CDK19: variants seen among roughly 807,000 people sequenced by gnomAD.
The protein encoded by CDK19 is cyclin dependent kinase 19, also known as cyclin-dependent kinase 19.
A neutral mutation model predicts 68.3 loss-of-function variants in CDK19; 20 were observed. The ratio of observed to expected loss-of-function variants is 0.29; its 90% CI spans 0.21 to 0.43. CDK19 has a LOEUF of 0.43. Ranked by LOEUF, CDK19 falls within the 20% of genes least tolerant of loss-of-function variation. The pLI, the probability that CDK19 is intolerant of heterozygous loss-of-function variation, is 1.00. For missense variants in CDK19, 339 were observed against 623.5 expected (o/e 0.54, Z 4.86); for synonymous variants, 221 against 222.8 (o/e 0.99, Z 0.07).
intron 1 of CDK19, among the ~76,000 whole-genome samples, chr6:110,783,832 G>C (rs1780995501): frequency 6.6e-6 from 1 of 151,956 alleles, no homozygotes. Flanking sequence ...GATTCAAAGT[G>C]AATCACAAAA....
chr6:110,717,204 C>T (rs550338145), intron 2 of CDK19, among the ~76,000 whole-genome samples: 2 of 144,058 alleles, frequency 1.4e-5, no homozygotes, highest in African/African-American at 2.5e-5. Context: ...TACAGGAGTG[C>T]TTATATGATA....
At chr6:110,656,229 T>C (rs927581287) in intron 4 of CDK19, among the ~76,000 whole-genome samples, 2 of 152,232 alleles carry the variant, frequency 1.3e-5, no homozygotes, top group Non-Finnish European at 2.9e-5. Flanking sequence ...ATCGTATTCA[T>C]TAACTCTGTA....
chr6:110,786,594 G>A (rs996498673), intron 1 of CDK19, among the ~76,000 whole-genome samples: 6 of 152,006 alleles, frequency 3.9e-5, no homozygotes, highest in African/African-American at 1.4e-4. Flanking sequence ...TTTCCATAGG[G>A]TACCGCGTGT....
intron 2 of CDK19, among the ~76,000 whole-genome samples, chr6:110,731,562 GATTAT>G (rs1776761638): frequency 6.6e-6 from 1 of 152,106 alleles, no homozygotes. Context: ...AAAATGAATG[GATTAT>G]ATAACTTAAA....
rs55714648 is a variant in CDK19, at chr6:110,815,241, T to A, written c.-105A>T. 6 of 1,130,312 alleles carry A rather than the reference T, an allele frequency of 5.3e-6. No individual in the cohort carries two copies. Among genetic ancestry groups the A allele is most frequent in the Non-Finnish European group, 6.7e-6 (6 of 901,400 alleles). The allele number at this position is 1,130,312 out of a possible 1,614,324, so 70.0% of individuals were successfully genotyped here. A position where few individuals can be genotyped will look rare whatever the true frequency, so the allele number is the denominator to read the frequency against. ...GCTCCACTTCTCCAACAGCCGCCTC[T>A]CGCGCGCGCGCGCGCGCCGCCCGCC... On this transcript the variant is annotated 5_prime_UTR_variant, in exon 1 of 13. Transcript: ENST00000368911.
In CDK19 at chr6:110,610,228, G is replaced by A. The variant is rs10624; in HGVS notation, c.*4307C>T. The A allele has an allele frequency of 6.6e-6, 1 of 152,458 alleles. No homozygotes were observed. The highest frequency in any genetic ancestry group is 1.5e-5 in the Non-Finnish European group (1 of 68,020). 9.4% of individuals were successfully genotyped at this position (152,458 alleles called of 1,614,324 possible). On this transcript the variant is annotated 3_prime_UTR_variant, in exon 13 of 13. Coordinates refer to ENST00000368911, the MANE Select transcript of CDK19 (RefSeq NM_015076.5). ...TATAACCATATAAAGGGGGATGCGT[G>A]CAGAAAATGACTGAAAAAAGAGACA...
chr6:110,753,717 T>C (rs1274075467), intron 1 of CDK19, among the ~76,000 whole-genome samples: 1 of 152,056 alleles, frequency 6.6e-6, no homozygotes, highest in Non-Finnish European at 1.5e-5. Context: ...GAATTAATTG[T>C]ATAATTTCTT....
intron 1 of CDK19, among the ~76,000 whole-genome samples, chr6:110,754,088 G>A (rs1259716467): frequency 6.6e-6 from 1 of 150,476 alleles, no homozygotes; most frequent in African/African-American, 2.4e-5. Context: ...GGAGTGCAGT[G>A]GTGTAATCAC....
intron 5 of CDK19, among the ~76,000 whole-genome samples, chr6:110,637,843 G>A (rs746987483): frequency 2.6e-5 from 4 of 152,090 alleles, no homozygotes; most frequent in African/African-American, 4.8e-5. Flanking sequence ...TTAGCCAGGC[G>A]TGGTGGCGGG....
Position 110,744,151 on chromosome 6 carries a change from C to T in CDK19, c.204+1975G>A, listed in dbSNP as rs1446433585. Among the ~76,000 whole-genome samples the T allele has an allele frequency of 2.6e-5, 4 of 151,358 alleles. No individual in the cohort carries two copies. In the South Asian group the frequency reaches 6.3e-4, roughly 24 times the overall value. ...CCTCCCGAGTAACTGGGACTACAGGCGCATGCCACCACACCCAGCTAATTT... is the reference window on the plus strand; with the variant it reads ...CCTCCCGAGTAACTGGGACTACAGGTGCATGCCACCACACCCAGCTAATTT... On this transcript the variant is annotated intron_variant, in intron 2 of 12. Coordinates refer to ENST00000368911, the MANE Select transcript of CDK19 (RefSeq NM_015076.5).
At chr6:110,737,141 T>C (rs1200456400) in intron 2 of CDK19, among the ~76,000 whole-genome samples, 1 of 152,188 alleles carries the variant, frequency 6.6e-6, no homozygotes, top group African/African-American at 2.4e-5. Context: ...AACTAGTCTA[T>C]TCCCTTAGGG....
intron 1 of CDK19, among the ~76,000 whole-genome samples, chr6:110,757,058 T>C (rs1202618497): frequency 6.6e-6 from 1 of 152,162 alleles, no homozygotes; most frequent in Non-Finnish European, 1.5e-5. Context: ...CTCTTTCACA[T>C]GATGGCACTC....
intron 1 of CDK19, among the ~76,000 whole-genome samples, chr6:110,750,072 A>C (rs896962215): frequency 2.1e-5 from 3 of 145,842 alleles, no homozygotes; most frequent in Non-Finnish European, 3.0e-5. Context: ...GCCCAGCCAA[A>C]TGATCACACC....
At chr6:110,650,029 A>G (rs990645836) in intron 4 of CDK19, among the ~76,000 whole-genome samples, 7 of 152,058 alleles carry the variant, frequency 4.6e-5, no homozygotes, top group African/African-American at 1.7e-4. Context: ...AGAGTCACAC[A>G]ATGAATTTTA....
chr6:110,675,979 A>G (rs1294840491), intron 2 of CDK19, among the ~76,000 whole-genome samples: 2 of 152,248 alleles, frequency 1.3e-5, no homozygotes, highest in Non-Finnish European at 2.9e-5. Context: ...TAGCTGCCAT[A>G]GATTGTGATT....
At position 110,617,651 on chromosome 6, in the gene CDK19, TTA is replaced by T. The variant is rs1164239935; in HGVS notation, c.1378-2987_1378-2986del. On this transcript the variant is annotated intron_variant, in intron 12 of 12. Transcript: ENST00000368911. ...AAAATAATAATAATAATAAAATTAT[TTA>T]TATATATATACACACACACACACAC... Among the ~76,000 whole-genome samples, 483 of 98,824 alleles carry T rather than the reference TTA, an allele frequency of 4.9e-3. 4 individuals are homozygous for T. The South Asian group carries it at 0.05, about 10-fold the overall frequency. The allele number at this position is 98,824 out of a possible 152,430, so 64.8% of individuals were successfully genotyped here.
At chr6:110,771,158 G>C (rs1779991047) in intron 1 of CDK19, among the ~76,000 whole-genome samples, 1 of 152,194 alleles carries the variant, frequency 6.6e-6, no homozygotes, top group Non-Finnish European at 1.5e-5. Context: ...CCCACTAGGG[G>C]CTCTGTGTGG....
intron 2 of CDK19, among the ~76,000 whole-genome samples, chr6:110,733,858 C>T (rs771285039): frequency 6.6e-6 from 1 of 152,054 alleles, no homozygotes. Context: ...TCTTGACTTA[C>T]CAACTTTAAG....
At chr6:110,769,753 T>C (rs559059370) in intron 1 of CDK19, among the ~76,000 whole-genome samples, 6 of 152,064 alleles carry the variant, frequency 3.9e-5, no homozygotes, top group Non-Finnish European at 4.4e-5. Flanking sequence ...AGAAACTGAG[T>C]TGGAGTTGGG....
Sources: gnomAD v4.1 joint callset for allele counts (sites outside exome capture counted in the v4.1 genomes callset) on GRCh38, gnomAD v4.1.1 for gene constraint, MANE v1.5 for transcripts, NCBI Gene and HGNC (gene_info 2026-07-23, HGNC 2026-07-21) for gene names.